The following PTCSC3 variants were observed in gnomAD, a reference collection of about 807,000 sequenced individuals.
PTCSC3 encodes papillary thyroid carcinoma susceptibility candidate 3 (non-protein coding).
chr14:36,146,027 T>A (rs1479163762), intron 3 of PTCSC3, among the ~76,000 whole-genome samples: 2 of 151,954 alleles, frequency 1.3e-5, no homozygotes, highest in Non-Finnish European at 2.9e-5. Context: ...GTCTGAGAGA[T>A]AGTTTGTTAT....
intron 2 of PTCSC3, among the ~76,000 whole-genome samples, chr14:36,157,722 T>A (rs1485364624): frequency 6.6e-6 from 1 of 152,162 alleles, no homozygotes; most frequent in Non-Finnish European, 1.5e-5. Context: ...TTGCTTAGGA[T>A]TGTCTTGGCT....
Position 36,139,141 on chromosome 14 carries a change from GAAA to G in PTCSC3, n.323-2788_323-2786del, listed in dbSNP as rs1210647081. Among the ~76,000 whole-genome samples, 7 of 100,262 alleles carry G rather than the reference GAAA, an allele frequency of 7.0e-5. No homozygotes were observed. The East Asian group carries it at 1.6e-3, about 23-fold the overall frequency. 65.8% of individuals were successfully genotyped at this position (100,262 alleles called of 152,430 possible). A position where few individuals can be genotyped will look rare whatever the true frequency, so the allele number is the denominator to read the frequency against. ...AAATAAAAAAAAAAAAAAAAAAAAA[GAAA>G]TGCATATATGTCCATACAAAGACTG... On this transcript the variant is annotated intron_variant and non_coding_transcript_variant, in intron 3 of 3. Coordinates refer to ENST00000556013, the Ensembl canonical transcript of PTCSC3.
intron 1 of PTCSC3, among the ~76,000 whole-genome samples, chr14:36,170,240 G>T (rs1425657370): frequency 1.3e-5 from 2 of 151,614 alleles, no homozygotes; most frequent in African/African-American, 4.8e-5. Context: ...TCCCATGTTC[G>T]CATTATTTCT....
intron 3 of PTCSC3, among the ~76,000 whole-genome samples, chr14:36,139,131 A>G (rs983253668): frequency 4.0e-5 from 6 of 150,334 alleles, no homozygotes; most frequent in African/African-American, 1.5e-4. Flanking sequence ...AAAAAAAAAA[A>G]AAAAAAAAAG....
At chr14:36,149,010 A>C (rs1294104329) in intron 3 of PTCSC3, among the ~76,000 whole-genome samples, 1 of 151,514 alleles carries the variant, frequency 6.6e-6, no homozygotes, top group East Asian at 1.9e-4. Flanking sequence ...TTTCCACTCT[A>C]ATTTTTATTA....
chr14:36,159,064 A>T (rs1161670095), intron 2 of PTCSC3, among the ~76,000 whole-genome samples: 2 of 145,696 alleles, frequency 1.4e-5, no homozygotes, highest in African/African-American at 4.9e-5. Context: ...GTATTCTCTG[A>T]TGGTAGTTTG....
intron 2 of PTCSC3, among the ~76,000 whole-genome samples, chr14:36,155,639 G>C (rs548874571): frequency 7.2e-5 from 11 of 152,100 alleles, no homozygotes; most frequent in African/African-American, 2.4e-4. Context: ...AACTGAGTCT[G>C]CCAAATCTTG....
chr14:36,152,848 G>T (rs1001832765), intron 3 of PTCSC3, among the ~76,000 whole-genome samples: 4 of 149,116 alleles, frequency 2.7e-5, no homozygotes, highest in African/African-American at 9.9e-5. Context: ...GAGCTGAGAT[G>T]GTGCCACTGC....
At chr14:36,158,458 C>T (rs1478410280) in intron 2 of PTCSC3, among the ~76,000 whole-genome samples, 1 of 152,120 alleles carries the variant, frequency 6.6e-6, no homozygotes, top group African/African-American at 2.4e-5. Flanking sequence ...GAGTTTTTAG[C>T]ATGAAGGGGT....
chr14:36,176,323 G>A (rs1156850798), exon 1 of PTCSC3: 1 of 151,776 alleles, frequency 6.6e-6, no homozygotes, highest in Non-Finnish European at 1.5e-5. Flanking sequence ...TTCCCTCTCA[G>A]TGCAGTCTTA....
At chr14:36,160,892 T>C (rs1197623514) in intron 2 of PTCSC3, among the ~76,000 whole-genome samples, 2 of 152,224 alleles carry the variant, frequency 1.3e-5, no homozygotes, top group East Asian at 3.8e-4. Flanking sequence ...TTTCATATAG[T>C]CCCATATTTC....
intron 2 of PTCSC3, among the ~76,000 whole-genome samples, chr14:36,159,838 A>G (rs1881914857): frequency 6.6e-6 from 1 of 151,960 alleles, no homozygotes; most frequent in Non-Finnish European, 1.5e-5. Flanking sequence ...TTAGTCTCCC[A>G]CTATTATTGT....
intron 3 of PTCSC3, among the ~76,000 whole-genome samples, chr14:36,147,589 T>G (rs1290193094): frequency 6.6e-6 from 1 of 151,928 alleles, no homozygotes; most frequent in Non-Finnish European, 1.5e-5. Flanking sequence ...ATTTTCAACT[T>G]CTTTGCCTTT....
rs1555331782 is a variant in PTCSC3, at chr14:36,162,274, A to AAAAC, written n.231+349_231+350insGTTT. 3.3e-4 allele frequency among the ~76,000 whole-genome samples: 50 copies of AAAAC among 150,876 alleles called. 1 individual carries two copies. Among genetic ancestry groups the AAAAC allele is most frequent in the African/African-American group, 1.0e-3 (42 of 40,702 alleles). On this transcript the variant is annotated intron_variant and non_coding_transcript_variant, in intron 2 of 3. Transcript: ENST00000556013. ...TGGGGTATGGAAAAAAAAAAAAAAA[A>AAAAC]AAAAAAAAAAACTCCTGCAGCCAGC...
intron 2 of PTCSC3, among the ~76,000 whole-genome samples, chr14:36,158,873 C>T (rs1301201311): frequency 6.6e-6 from 1 of 152,120 alleles, no homozygotes; most frequent in Non-Finnish European, 1.5e-5. Flanking sequence ...GCTGTGAATC[C>T]ATCTAGTCCT....
chr14:36,155,118 G>T (rs969648692), intron 2 of PTCSC3, among the ~76,000 whole-genome samples: 1 of 152,064 alleles, frequency 6.6e-6, no homozygotes, highest in African/African-American at 2.4e-5. Context: ...AATTTTAGAA[G>T]ATGAAGATTA....
intron 3 of PTCSC3, among the ~76,000 whole-genome samples, chr14:36,151,781 T>C (rs1183108981): frequency 1.3e-5 from 2 of 152,222 alleles, no homozygotes; most frequent in Non-Finnish European, 2.9e-5. Flanking sequence ...GCCTTTGTTA[T>C]AGAGGACAGA....
chr14:36,161,635 C>T (rs567224592), intron 2 of PTCSC3, among the ~76,000 whole-genome samples: 317 of 152,280 alleles, frequency 2.1e-3, no homozygotes, highest in Middle Eastern at 6.8e-3. Flanking sequence ...CCAGCTGGAG[C>T]TCTCCTGTAT....
At chr14:36,142,786 TC>T (rs1881455891) in intron 3 of PTCSC3, among the ~76,000 whole-genome samples, 1 of 149,498 alleles carries the variant, frequency 6.7e-6, no homozygotes, top group East Asian at 2.0e-4. Flanking sequence ...TAGGTATATC[TC>T]CCAATGCTAT....
Sources: gnomAD v4.1 joint callset for allele counts (sites outside exome capture counted in the v4.1 genomes callset) on GRCh38, gnomAD v4.1.1 for gene constraint, MANE v1.5 for transcripts, NCBI Gene and HGNC (gene_info 2026-07-23, HGNC 2026-07-21) for gene names.